Variants in LRRC49 observed in about 807,000 individuals in gnomAD.
The protein encoded by LRRC49 is leucine rich repeat containing 49.
Under a neutral mutation model 83.3 loss-of-function variants are expected in LRRC49, and 50 were observed. The ratio of observed to expected loss-of-function variants is 0.60; its 90% CI spans 0.48 to 0.76. The LOEUF (loss-of-function observed/expected upper bound fraction) is 0.76. Among genes scored for constraint, LRRC49 ranks in the 30% least tolerant of loss-of-function variants. The pLI, the probability that LRRC49 is intolerant of heterozygous loss-of-function variation, is 0.00. For synonymous variants in LRRC49, 286 were observed against 283.3 expected (o/e 1.01, Z -0.10); for missense variants, 704 against 809.1 (o/e 0.87, Z 1.58).
chr15:71,040,450 C>T (rs900070514), intron 15 of LRRC49, among the ~76,000 whole-genome samples: 1 of 152,130 alleles, frequency 6.6e-6, no homozygotes, highest in Non-Finnish European at 1.5e-5. Context: ...TAATATCCCT[C>T]ATCAGTTGAC....
intron 1 of LRRC49, among the ~76,000 whole-genome samples, chr15:70,871,599 C>T (rs1352059745): frequency 6.6e-6 from 1 of 151,234 alleles, no homozygotes; most frequent in Non-Finnish European, 1.5e-5. Context: ...ACCTCCTGGA[C>T]GGGGTGGCTG....
At chr15:70,891,847 T>G (rs373218670), upstream of LRRC49, 23 of 1,587,132 alleles carry the variant, frequency 1.4e-5, no homozygotes, top group Non-Finnish European at 2.0e-5. Context: ...TCTTTACCTG[T>G]GAAGCTGCAG....
At chr15:70,906,898 T>C (rs1222869070) in intron 5 of LRRC49, among the ~76,000 whole-genome samples, 1 of 152,238 alleles carries the variant, frequency 6.6e-6, no homozygotes, top group Non-Finnish European at 1.5e-5. Context: ...GGAATAGCTG[T>C]GGAACAGTTC....
chr15:70,967,092 A>G (rs748980405), intron 9 of LRRC49, among the ~76,000 whole-genome samples: 3 of 152,156 alleles, frequency 2.0e-5, no homozygotes, highest in Non-Finnish European at 4.4e-5. Context: ...AAGAAGGAGG[A>G]TGTATTTGTG....
At chr15:70,911,076 T>A (rs1314158634) in intron 5 of LRRC49, among the ~76,000 whole-genome samples, 1 of 152,076 alleles carries the variant, frequency 6.6e-6, no homozygotes, top group Non-Finnish European at 1.5e-5. Flanking sequence ...ACAGCAAGAA[T>A]AAATACCCTA....
chr15:70,880,345 C>G (rs1352921800), intron 2 of LRRC49, among the ~76,000 whole-genome samples: 1 of 152,174 alleles, frequency 6.6e-6, no homozygotes, highest in Admixed American at 6.5e-5. Flanking sequence ...CTGCCTCCCC[C>G]ACCAAAAGGT....
At position 70,991,531 on chromosome 15, in the gene LRRC49, A is replaced by C. The variant is rs1244366000; in HGVS notation, c.1169+7274A>C. Among the ~76,000 whole-genome samples the C allele has an allele frequency of 2.0e-5, 3 of 152,140 alleles. No individual in the cohort carries two copies. In the East Asian group the frequency reaches 5.8e-4, roughly 29 times the overall value. The stretch of plus-strand genomic sequence containing the variant: ...AGTGCCTACACATCACTCCATTTGC[A>C]TGGATTTGGTATAGTACTCAGCATG... On this transcript the variant is annotated intron_variant, in intron 11 of 15. Transcript: ENST00000260382.
chr15:70,960,487 A>G (rs2036568509), intron 8 of LRRC49, among the ~76,000 whole-genome samples: 1 of 152,222 alleles, frequency 6.6e-6, no homozygotes, highest in African/African-American at 2.4e-5. Flanking sequence ...TTCATGTAGT[A>G]AATAAACTAA....
intron 1 of LRRC49, among the ~76,000 whole-genome samples, chr15:70,871,521 G>A (rs932376756): frequency 5.3e-5 from 8 of 151,924 alleles, no homozygotes; most frequent in Admixed American, 4.6e-4. Context: ...CTTCCCAGAC[G>A]GGGCGACCGG....
At chr15:70,896,460 C>A (rs918982490) in intron 3 of LRRC49, among the ~76,000 whole-genome samples, 1 of 152,040 alleles carries the variant, frequency 6.6e-6, no homozygotes, top group Non-Finnish European at 1.5e-5. Context: ...AGGTCTTGAG[C>A]GGGATTTGGA....
chr15:70,908,225 C>T (rs1455306481), intron 5 of LRRC49, among the ~76,000 whole-genome samples: 1 of 151,880 alleles, frequency 6.6e-6, no homozygotes, highest in African/African-American at 2.4e-5. Flanking sequence ...CCAATGGGTT[C>T]TTCTTGCCTG....
intron 11 of LRRC49, among the ~76,000 whole-genome samples, chr15:70,985,377 C>A (rs2037568248): frequency 6.6e-6 from 1 of 151,990 alleles, no homozygotes; most frequent in Middle Eastern, 3.2e-3. Context: ...TCTCTGATGG[C>A]CAGTGATGAT....
In LRRC49 at chr15:71,008,660, A is replaced by G. The variant is rs370045289; in HGVS notation, c.1407+44A>G. On this transcript the variant is annotated intron_variant, in intron 12 of 15. Transcript: ENST00000260382. ...TAGTATATTTGAATATTCTTAGTCAATGACTTGTGTGTTCAGGCCAAAGAC... is the reference window on the plus strand; with the variant it reads ...TAGTATATTTGAATATTCTTAGTCAGTGACTTGTGTGTTCAGGCCAAAGAC... 7.8e-6 allele frequency: 11 copies of G among 1,412,322 alleles called. No homozygotes were observed. In the African/African-American group the frequency reaches 1.3e-4, roughly 16 times the overall value. The allele number at this position is 1,412,322 out of a possible 1,614,324, so 87.5% of individuals were successfully genotyped here. A position where few individuals can be genotyped will look rare whatever the true frequency, so the allele number is the denominator to read the frequency against.
chr15:70,956,492 AC>A (rs1405495254), intron 8 of LRRC49, among the ~76,000 whole-genome samples: 3 of 148,614 alleles, frequency 2.0e-5, no homozygotes, highest in Non-Finnish European at 3.0e-5. Context: ...GTGTTCTTAA[AC>A]CCTCTGCCAA....
intron 5 of LRRC49, chr15:70,908,024 G>A (rs752051899): frequency 4.4e-6 from 2 of 455,856 alleles, no homozygotes; most frequent in African/African-American, 4.0e-5. Flanking sequence ...GTGTTGGGGG[G>A]TGGAAAGAGA....
At chr15:71,014,376 A>ATAT (rs1331749940) in intron 14 of LRRC49, among the ~76,000 whole-genome samples, 1 of 152,170 alleles carries the variant, frequency 6.6e-6, no homozygotes, top group African/African-American at 2.4e-5. Flanking sequence ...GTGTATTAAA[A>ATAT]TATTAAGGGT....
intron 7 of LRRC49, among the ~76,000 whole-genome samples, chr15:70,932,934 T>C (rs1309857767): frequency 6.6e-6 from 1 of 152,048 alleles, no homozygotes; most frequent in Non-Finnish European, 1.5e-5. Context: ...TTCACCACAC[T>C]GGTCAGGCTG....
intron 1 of LRRC49, chr15:70,858,973 T>C (rs1158937792): frequency 2.1e-5 from 18 of 856,364 alleles, no homozygotes; most frequent in Non-Finnish European, 3.7e-5. Flanking sequence ...ATCCAGGCTC[T>C]ACACACCCAA....
intron 11 of LRRC49, among the ~76,000 whole-genome samples, chr15:70,988,510 T>C (rs911511461): frequency 6.6e-6 from 1 of 152,210 alleles, no homozygotes; most frequent in Non-Finnish European, 1.5e-5. Context: ...TCCATCTTTT[T>C]ATTTTGAGCC....
Sources: gnomAD v4.1 joint callset for allele counts (sites outside exome capture counted in the v4.1 genomes callset) on GRCh38, gnomAD v4.1.1 for gene constraint, MANE v1.5 for transcripts, NCBI Gene and HGNC (gene_info 2026-07-23, HGNC 2026-07-21) for gene names.